GABBR2: variants seen among roughly 807,000 people sequenced by gnomAD.
GABBR2 encodes G-protein coupled receptor 51.
A neutral mutation model predicts 105.6 loss-of-function variants in GABBR2; 23 were observed. The observed-to-expected ratio is 0.22, with a 90% confidence interval of 0.16 to 0.31. GABBR2 has a LOEUF of 0.31. Among genes scored for constraint, GABBR2 ranks in the 10% least tolerant of loss-of-function variants. The probability of loss-of-function intolerance (pLI) is 1.00; values close to 1 mark genes in which losing one functional copy is unlikely to be tolerated. For missense variants in GABBR2, 734 were observed against 1,245.5 expected (o/e 0.59, Z 6.18); for synonymous variants, 478 against 499.7 (o/e 0.96, Z 0.58).
At chr9:98,616,824 T>C (rs537210519) in intron 1 of GABBR2, among the ~76,000 whole-genome samples, 1 of 152,228 alleles carries the variant, frequency 6.6e-6, no homozygotes, top group South Asian at 2.1e-4. Context: ...GGGTTTTGGA[T>C]AGATGAAGTG....
intron 1 of GABBR2, among the ~76,000 whole-genome samples, chr9:98,672,394 T>C (rs1184208179): frequency 6.6e-6 from 1 of 152,238 alleles, no homozygotes; most frequent in East Asian, 1.9e-4. Flanking sequence ...AACTTCCCTT[T>C]TAAGTGAGAA....
chr9:98,456,379 G>A lies in GABBR2; in HGVS notation c.1000-2162C>T, dbSNP rs539279576. Among the ~76,000 whole-genome samples the A allele has an allele frequency of 1.4e-4, 21 of 152,200 alleles. 1 individual carries two copies. Among genetic ancestry groups the A allele is most frequent in the Admixed American group, 8.5e-4 (13 of 15,296 alleles). The stretch of plus-strand genomic sequence containing the variant: ...CAGGGATGGCTTCCTTGACCCACCC[G>A]TTGTAAAAGCCCCCAGCCTGAGGCC... On this transcript the variant is annotated intron_variant, in intron 6 of 18. Transcript: ENST00000259455.
chr9:98,509,707 A>G (rs1827596681), intron 3 of GABBR2, among the ~76,000 whole-genome samples: 1 of 152,330 alleles, frequency 6.6e-6, no homozygotes, highest in African/African-American at 2.4e-5. Flanking sequence ...AAGTGAGAAG[A>G]GAAGTTTAGA....
At chr9:98,685,333 C>A (rs759727463) in intron 1 of GABBR2, among the ~76,000 whole-genome samples, 16 of 152,246 alleles carry the variant, frequency 1.1e-4, no homozygotes, top group Non-Finnish European at 2.1e-4. Context: ...TTTGGGGACA[C>A]AGACTAGCTT....
rs950606316 is a variant in GABBR2, at chr9:98,406,208, T to C, written c.1237-67A>G. On this transcript the variant is annotated intron_variant, in intron 7 of 18. Transcript: ENST00000259455. ...AATGCCACATTAGCCCAAACGCCAC[T>C]GATCTCACAGCAATTCATTAACTGT... 27 of 850,082 alleles carry C rather than the reference T, an allele frequency of 3.2e-5. 1 individual carries two copies. Among genetic ancestry groups the C allele is most frequent in the Non-Finnish European group, 5.0e-5 (27 of 535,248 alleles). 52.7% of individuals were successfully genotyped at this position (850,082 alleles called of 1,614,324 possible). A position where few individuals can be genotyped will look rare whatever the true frequency, so the allele number is the denominator to read the frequency against.
At chr9:98,438,976 T>C (rs1802060558) in intron 7 of GABBR2, among the ~76,000 whole-genome samples, 1 of 152,108 alleles carries the variant, frequency 6.6e-6, no homozygotes, top group South Asian at 2.1e-4. Flanking sequence ...CCACAGTGAC[T>C]TAACATAAAG....
chr9:98,643,232 G>T (rs1194572616), intron 1 of GABBR2, among the ~76,000 whole-genome samples: 1 of 152,250 alleles, frequency 6.6e-6, no homozygotes, highest in African/African-American at 2.4e-5. Context: ...TGAGATCCTA[G>T]CAGAGGGAAA....
At chr9:98,607,875 G>A in intron 1 of GABBR2, 4 of 1,411,500 alleles carry the variant, frequency 2.8e-6, no homozygotes, top group Non-Finnish European at 3.9e-6. Context: ...CTAAAATGAA[G>A]AAGATGGAGC....
At chr9:98,303,151 A>G (rs772703253) in intron 16 of GABBR2, 90 bp downstream of exon 16, 26 of 985,500 alleles carry the variant, frequency 2.6e-5, no homozygotes, top group Non-Finnish European at 3.3e-5. Flanking sequence ...TGCTGCAGGG[A>G]TGGTCTAGAG....
chr9:98,683,300 G>A (rs951297940), intron 1 of GABBR2, among the ~76,000 whole-genome samples: 2 of 152,058 alleles, frequency 1.3e-5, no homozygotes, highest in Non-Finnish European at 2.9e-5. Flanking sequence ...CACCATGTTG[G>A]TCAGGCTGGT....
chr9:98,588,692 C>T (rs1394442625), intron 1 of GABBR2, among the ~76,000 whole-genome samples: 5 of 152,324 alleles, frequency 3.3e-5, no homozygotes, highest in Admixed American at 1.3e-4. Flanking sequence ...TCCATCATAT[C>T]CATGTTCTGT....
At position 98,427,348 on chromosome 9, in the gene GABBR2, G is replaced by A. The variant is rs114995557; in HGVS notation, c.1237-21207C>T. Among the ~76,000 whole-genome samples, 1,078 of 152,272 alleles carry A rather than the reference G, an allele frequency of 7.1e-3. 14 individuals carry two copies. The highest frequency in any genetic ancestry group is 0.025 in the East Asian group (129 of 5,180). On this transcript the variant is annotated intron_variant, in intron 7 of 18. Transcript: ENST00000259455. ...CTTCTAAGCCCTCTGGTCAACTTACGTGAACTGCTAGAGAATTCAAGAGTC... is the reference window on the plus strand; with the variant it reads ...CTTCTAAGCCCTCTGGTCAACTTACATGAACTGCTAGAGAATTCAAGAGTC...
intron 2 of GABBR2, among the ~76,000 whole-genome samples, chr9:98,575,899 G>A (rs987626027): frequency 6.6e-6 from 1 of 152,116 alleles, no homozygotes; most frequent in African/African-American, 2.4e-5. Flanking sequence ...CCCACCTCCC[G>A]CTTTTGCACG....
At chr9:98,303,089 G>A (rs1830494739) in intron 16 of GABBR2, 152 bp downstream of exon 16, 2 of 592,712 alleles carry the variant, frequency 3.4e-6, no homozygotes, top group East Asian at 2.9e-5. Flanking sequence ...TGTGGTTTAT[G>A]TCACCCCTGG....
intron 1 of GABBR2, among the ~76,000 whole-genome samples, chr9:98,589,179 G>A (rs992096974): frequency 6.6e-6 from 1 of 152,112 alleles, no homozygotes; most frequent in Non-Finnish European, 1.5e-5. Flanking sequence ...AACTTTCTTA[G>A]AGCAGTGCTG....
chr9:98,494,373 G>C (rs1827235186), intron 4 of GABBR2, among the ~76,000 whole-genome samples: 1 of 152,178 alleles, frequency 6.6e-6, no homozygotes. Context: ...GGGATGACTG[G>C]ACAAAGACTG....
intron 2 of GABBR2, among the ~76,000 whole-genome samples, chr9:98,557,480 C>T (rs1014367477): frequency 2.6e-5 from 4 of 152,102 alleles, no homozygotes; most frequent in South Asian, 2.1e-4. Flanking sequence ...GAGGCTGATA[C>T]GGTCAATATG....
At chr9:98,376,642 A>T (rs1831879071) in intron 11 of GABBR2, among the ~76,000 whole-genome samples, 1 of 152,204 alleles carries the variant, frequency 6.6e-6, no homozygotes, top group South Asian at 2.1e-4. Context: ...CAAGGGCGAC[A>T]GATAAATCCT....
chr9:98,381,077 TGAC>T (rs1335213671), intron 11 of GABBR2, among the ~76,000 whole-genome samples: 1 of 152,200 alleles, frequency 6.6e-6, no homozygotes. Flanking sequence ...AATTACACTG[TGAC>T]GAGGATGCAA....
Sources: gnomAD v4.1 joint callset for allele counts (sites outside exome capture counted in the v4.1 genomes callset) on GRCh38, gnomAD v4.1.1 for gene constraint, MANE v1.5 for transcripts, NCBI Gene and HGNC (gene_info 2026-07-23, HGNC 2026-07-21) for gene names.